The following TENT5D variants were observed in gnomAD, a reference collection of about 807,000 sequenced individuals.
TENT5D encodes cancer/testis antigen 112.
For synonymous variants in TENT5D, 103 were observed against 100.6 expected, an observed-to-expected ratio of 1.02 and a Z score of -0.15; for missense variants, 191 against 287.0, an observed-to-expected ratio of 0.67 and a Z score of 2.42.
chrX:80,425,329 C>G (rs1931968764), intron 1 of TENT5D, among the ~76,000 whole-genome samples: 1 of 112,176 alleles, frequency 8.9e-6, no homozygotes, highest in African/African-American at 3.2e-5. Context: ...GTTTTCTTGA[C>G]TGAAAAACAA....
intron 3 of TENT5D, among the ~76,000 whole-genome samples, chrX:80,406,243 G>T (rs1276995141): frequency 1.8e-5 from 2 of 112,424 alleles, no homozygotes; most frequent in African/African-American, 6.5e-5. Flanking sequence ...GAACAAAGCT[G>T]GATGGAGAAT....
chrX:80,419,572 A>G (rs1023529924), upstream of TENT5D, among the ~76,000 whole-genome samples: 1 of 112,534 alleles, frequency 8.9e-6, no homozygotes, highest in Admixed American at 9.4e-5. Context: ...TTCTTATTCA[A>G]ACAGTTATGT....
At chrX:80,421,137 AT>A in intron 1 of TENT5D, among the ~76,000 whole-genome samples, 1 of 110,844 alleles carries the variant, frequency 9.0e-6, no homozygotes, top group African/African-American at 3.3e-5. Context: ...TTTTCAGATT[AT>A]TTTTTTTCCT....
At chrX:80,385,927 G>A (rs1331031922) in intron 3 of TENT5D, among the ~76,000 whole-genome samples, 1 of 112,041 alleles carries the variant, frequency 8.9e-6, no homozygotes, top group Non-Finnish European at 1.9e-5. Context: ...GAAACAACAG[G>A]TGCTGGAGAG....
chrX:80,361,589 C>G (rs1327222852), intron 3 of TENT5D, among the ~76,000 whole-genome samples: 3 of 111,480 alleles, frequency 2.7e-5, no homozygotes, highest in African/African-American at 9.8e-5. Context: ...GGAATTATCT[C>G]TCTTTATACT....
chrX:80,402,047 A>AT (rs1449193290), intron 3 of TENT5D, among the ~76,000 whole-genome samples: 1 of 111,272 alleles, frequency 9.0e-6, no homozygotes, highest in Non-Finnish European at 1.9e-5. Context: ...TTGATGGGAG[A>AT]TTTTTTGTTA....
intron 3 of TENT5D, among the ~76,000 whole-genome samples, chrX:80,354,375 G>A (rs1164321168): frequency 9.0e-6 from 1 of 111,099 alleles, no homozygotes; most frequent in African/African-American, 3.3e-5. Flanking sequence ...TATTTCTTGG[G>A]GATTTTGTTC....
chrX:80,435,498 T>G (rs773757121), intron 1 of TENT5D, among the ~76,000 whole-genome samples: 56 of 112,527 alleles, frequency 5.0e-4, no homozygotes, highest in Non-Finnish European at 9.8e-4. Context: ...TGAAATATGT[T>G]TCAAGATTGC....
chrX:80,384,051 G>A (rs1180713935), intron 3 of TENT5D, among the ~76,000 whole-genome samples: 2 of 108,950 alleles, frequency 1.8e-5, no homozygotes, highest in African/African-American at 3.3e-5. Flanking sequence ...GGAAAAAGAG[G>A]GAATCCTCCC....
At chrX:80,364,560 G>A (rs892756240) in intron 3 of TENT5D, among the ~76,000 whole-genome samples, 6 of 110,783 alleles carry the variant, frequency 5.4e-5, no homozygotes, top group Non-Finnish European at 1.1e-4. Context: ...TTAGGATAGG[G>A]AAGGTAAGAT....
At chrX:80,349,962 T>C (rs1930143467) in intron 3 of TENT5D, among the ~76,000 whole-genome samples, 1 of 111,764 alleles carries the variant, frequency 8.9e-6, no homozygotes. Flanking sequence ...TGTGCAGTTT[T>C]GAGTGAGTTT....
intron 3 of TENT5D, among the ~76,000 whole-genome samples, chrX:80,379,397 G>T (rs1490851271): frequency 9.0e-6 from 1 of 110,578 alleles, no homozygotes; most frequent in Non-Finnish European, 1.9e-5. Context: ...AGGGATATTG[G>T]TCTGAAATTC....
At chrX:80,385,197 C>G (rs186044357) in intron 3 of TENT5D, among the ~76,000 whole-genome samples, 3 of 111,690 alleles carry the variant, frequency 2.7e-5, no homozygotes, top group Admixed American at 1.9e-4. Flanking sequence ...GTAACCAAAA[C>G]AGTATGGTAC....
intron 1 of TENT5D, among the ~76,000 whole-genome samples, chrX:80,426,617 T>G (rs1160967802): frequency 9.0e-6 from 1 of 111,595 alleles, no homozygotes; most frequent in Non-Finnish European, 1.9e-5. Flanking sequence ...ATATACAGAG[T>G]TTTCATGGTA....
In TENT5D at chrX:80,442,822, G is replaced by A. The variant is rs141007953; in HGVS notation, c.283G>A (p.Glu95Lys). 45 of 1,209,396 alleles carry A rather than the reference G, an allele frequency of 3.7e-5. No homozygotes were observed. The highest frequency in any genetic ancestry group is 2.8e-4 in the African/African-American group (16 of 57,210). Residue 95 changes from glutamate to lysine, a missense_variant, in exon 3 of 3, where the codon GAA (glutamate) becomes AAA (lysine). Physicochemically the swap from Glu to Lys is moderately conservative, Grantham distance 56. Coordinates refer to ENST00000308293, the Ensembl canonical transcript of TENT5D. ...TTTTGGTGTTGAGCTTCCAGGTAAC[G>A]AAGAATTTCAGGTTGTTAAAGATGC...
exon 2 of TENT5D, chrX:80,438,615 C>T (rs2147570649): frequency 9.1e-6 from 1 of 109,393 alleles, no homozygotes; most frequent in East Asian, 2.9e-4. Flanking sequence ...TGCAGTTTTT[C>T]TGGTTGGTGT....
chrX:80,397,554 G>A (rs770818554), intron 3 of TENT5D, among the ~76,000 whole-genome samples: 16 of 112,149 alleles, frequency 1.4e-4, no homozygotes, highest in African/African-American at 4.8e-4. Flanking sequence ...CTGCACTCTC[G>A]GCACTTTGGG....
chrX:80,384,637 C>T (rs1930952079), intron 3 of TENT5D, among the ~76,000 whole-genome samples: 1 of 100,120 alleles, frequency 1.0e-5, no homozygotes, highest in Admixed American at 1.2e-4. Context: ...GTCAAATTGT[C>T]CCTGTTTGCA....
chrX:80,365,578 T>C (rs375878233), intron 3 of TENT5D, among the ~76,000 whole-genome samples: 2 of 111,483 alleles, frequency 1.8e-5, no homozygotes, highest in East Asian at 5.7e-4. Context: ...CGGTGGCTTA[T>C]GCCTGTAATC....
Sources: gnomAD v4.1 joint callset for allele counts (sites outside exome capture counted in the v4.1 genomes callset) on GRCh38, gnomAD v4.1.1 for gene constraint, MANE v1.5 for transcripts, NCBI Gene and HGNC (gene_info 2026-07-23, HGNC 2026-07-21) for gene names.